Variants in GABRG3 observed in about 807,000 individuals in gnomAD.
GABRG3 encodes gamma-aminobutyric acid type A receptor subunit gamma3, also known as gamma-aminobutyric acid receptor subunit gamma-3.
GABRG3 carries 25 observed loss-of-function variants against 48.8 expected under a neutral mutation model. The observed-to-expected ratio is 0.51, with a 90% CI of 0.37 to 0.72. GABRG3 has a LOEUF of 0.72. Ranked by LOEUF, GABRG3 falls within the 30% of genes least tolerant of loss-of-function variation. The pLI, the probability that GABRG3 is intolerant of heterozygous loss-of-function variation, is 0.00. For missense variants in GABRG3, 394 were observed against 577.9 expected (o/e 0.68, Z 3.26); for synonymous variants, 227 against 217.6 (o/e 1.04, Z -0.38).
At chr15:27,358,524 G>A (rs1447956069) in intron 5 of GABRG3, among the ~76,000 whole-genome samples, 1 of 151,988 alleles carries the variant, frequency 6.6e-6, no homozygotes, top group Non-Finnish European at 1.5e-5. Context: ...GAGATTAGGG[G>A]TGACACACTG....
At chr15:27,378,058 C>T (rs570957166) in intron 5 of GABRG3, among the ~76,000 whole-genome samples, 17 of 152,112 alleles carry the variant, frequency 1.1e-4, no homozygotes, top group Admixed American at 6.5e-4. Context: ...CCAAAATACC[C>T]AGTGTTGCAT....
At chr15:27,033,941 C>G (rs1166812612) in intron 3 of GABRG3, among the ~76,000 whole-genome samples, 1 of 152,064 alleles carries the variant, frequency 6.6e-6, no homozygotes, top group Non-Finnish European at 1.5e-5. Flanking sequence ...TGTTCATGGC[C>G]TTTGGACCTG....
At chr15:27,064,165 G>A (rs181899113) in intron 3 of GABRG3, among the ~76,000 whole-genome samples, 40 of 152,316 alleles carry the variant, frequency 2.6e-4, no homozygotes, top group African/African-American at 9.4e-4. Context: ...GAGGAAGTCC[G>A]CAGCCTCTCC....
At chr15:27,189,381 C>G (rs913936065) in intron 3 of GABRG3, among the ~76,000 whole-genome samples, 6 of 152,042 alleles carry the variant, frequency 3.9e-5, no homozygotes, top group South Asian at 2.1e-4. Context: ...TCTTCCATTT[C>G]TTTGTATCCT....
chr15:27,245,799 G>A (rs1165079635), intron 3 of GABRG3, among the ~76,000 whole-genome samples: 1 of 152,174 alleles, frequency 6.6e-6, no homozygotes, highest in Non-Finnish European at 1.5e-5. Flanking sequence ...CTTGAACCTG[G>A]GAGGCGGAGG....
At chr15:27,305,118 T>C (rs1892351163) in intron 3 of GABRG3, among the ~76,000 whole-genome samples, 2 of 151,876 alleles carry the variant, frequency 1.3e-5, no homozygotes, top group South Asian at 4.1e-4. Flanking sequence ...CCATATGGTG[T>C]AAGGCAACAG....
At chr15:27,413,123 AAGC>A (rs1887845376) in intron 5 of GABRG3, among the ~76,000 whole-genome samples, 1 of 152,238 alleles carries the variant, frequency 6.6e-6, no homozygotes, top group African/African-American at 2.4e-5. Flanking sequence ...AACAGCAAGT[AAGC>A]CAATAGATTA....
At chr15:27,132,765 T>C (rs538918328) in intron 3 of GABRG3, among the ~76,000 whole-genome samples, 6 of 151,708 alleles carry the variant, frequency 4.0e-5, no homozygotes, top group East Asian at 1.9e-4. Context: ...TCAACTCTTA[T>C]TTTGTTGATT....
chr15:27,115,192 G>A (rs1157822864), intron 3 of GABRG3, among the ~76,000 whole-genome samples: 1 of 151,920 alleles, frequency 6.6e-6, no homozygotes, highest in Non-Finnish European at 1.5e-5. Context: ...AAGCCTCAGA[G>A]GACCCCAAAC....
At chr15:27,230,696 CTT>C (rs1889768742) in intron 3 of GABRG3, among the ~76,000 whole-genome samples, 1 of 152,144 alleles carries the variant, frequency 6.6e-6, no homozygotes, top group South Asian at 2.1e-4. Flanking sequence ...ACCCCACCCT[CTT>C]TGGAATAGCT....
intron 3 of GABRG3, among the ~76,000 whole-genome samples, chr15:27,241,538 C>T (rs772948286): frequency 6.6e-6 from 1 of 152,160 alleles, no homozygotes; most frequent in East Asian, 1.9e-4. Context: ...TTTCAGCACA[C>T]GCTCACATTT....
chr15:27,267,807 T>G (rs1890968032), intron 3 of GABRG3, among the ~76,000 whole-genome samples: 1 of 152,230 alleles, frequency 6.6e-6, no homozygotes, highest in Non-Finnish European at 1.5e-5. Context: ...TTTTTTAGTT[T>G]ATTAATATGA....
chr15:27,358,836 G>A (rs1250812876), intron 5 of GABRG3, among the ~76,000 whole-genome samples: 5 of 152,198 alleles, frequency 3.3e-5, no homozygotes, highest in Non-Finnish European at 7.3e-5. Context: ...GGAGGGCCTG[G>A]TTGCTGTGTG....
chr15:27,226,975 C>A (rs28454739), intron 3 of GABRG3, among the ~76,000 whole-genome samples: 4,261 of 152,186 alleles, frequency 0.028, 131 homozygotes, highest in African/African-American at 0.076. Flanking sequence ...ACATTTTATT[C>A]TCCTTTAATA....
At chr15:27,205,321 T>G (rs1888817637) in intron 3 of GABRG3, among the ~76,000 whole-genome samples, 1 of 152,158 alleles carries the variant, frequency 6.6e-6, no homozygotes, top group Non-Finnish European at 1.5e-5. Flanking sequence ...ATCATGTGCT[T>G]TTTGTTTTTA....
At chr15:27,367,195 C>G (rs1169250334) in intron 5 of GABRG3, among the ~76,000 whole-genome samples, 1 of 152,158 alleles carries the variant, frequency 6.6e-6, no homozygotes, top group Admixed American at 6.5e-5. Flanking sequence ...TACCTCCCTC[C>G]CCCTACAAGG....
chr15:27,348,892 G>A (rs1214563406), intron 5 of GABRG3, among the ~76,000 whole-genome samples: 1 of 152,158 alleles, frequency 6.6e-6, no homozygotes, highest in Non-Finnish European at 1.5e-5. Flanking sequence ...AAAATGTGGG[G>A]TGCTTTTGAA....
At chr15:27,019,005 T>G (rs1453495573) in intron 2 of GABRG3, among the ~76,000 whole-genome samples, 1 of 150,638 alleles carries the variant, frequency 6.6e-6, no homozygotes, top group Non-Finnish European at 1.5e-5. Flanking sequence ...ATCATGATGA[T>G]GATGGTAAAA....
intron 5 of GABRG3, among the ~76,000 whole-genome samples, chr15:27,391,242 T>G (rs914803560): frequency 6.6e-6 from 1 of 152,214 alleles, no homozygotes; most frequent in African/African-American, 2.4e-5. Flanking sequence ...ATTACACTTG[T>G]AAAGCAATAT....
Sources: gnomAD v4.1 joint callset for allele counts (sites outside exome capture counted in the v4.1 genomes callset) on GRCh38, gnomAD v4.1.1 for gene constraint, MANE v1.5 for transcripts, NCBI Gene and HGNC (gene_info 2026-07-23, HGNC 2026-07-21) for gene names.